HMBOX1: variants seen among roughly 807,000 people sequenced by gnomAD.
The protein encoded by HMBOX1 is homeobox-containing protein 1.
Under a neutral mutation model 54.5 loss-of-function variants are expected in HMBOX1, and 14 were observed. The observed-to-expected ratio is 0.26, with a 90% CI of 0.17 to 0.40. The LOEUF (loss-of-function observed/expected upper bound fraction) is 0.40. Among genes scored for constraint, HMBOX1 ranks in the 10% least tolerant of loss-of-function variants. The pLI is 1.00. For synonymous variants in HMBOX1, 160 were observed against 181.0 expected (o/e 0.88, Z 0.93); for missense variants, 332 against 514.4 (o/e 0.65, Z 3.43).
intron 1 of HMBOX1, among the ~76,000 whole-genome samples, chr8:28,904,676 C>T (rs184374885): frequency 6.6e-6 from 1 of 151,644 alleles, no homozygotes; most frequent in Admixed American, 6.6e-5. Flanking sequence ...AACAACTCTT[C>T]ACACTCTTTT....
intron 1 of HMBOX1, among the ~76,000 whole-genome samples, chr8:28,913,047 A>G (rs1815771842): frequency 6.6e-6 from 1 of 152,106 alleles, no homozygotes; most frequent in African/African-American, 2.4e-5. Context: ...TCCAAATATC[A>G]CCATTTCACC....
intron 4 of HMBOX1, among the ~76,000 whole-genome samples, chr8:28,994,139 C>A (rs1218295516): frequency 2.0e-5 from 3 of 150,292 alleles, no homozygotes; most frequent in Non-Finnish European, 1.5e-5. Context: ...TGCAATCCAG[C>A]CTGGGCGACA....
At chr8:28,994,133 A>G (rs1305876437) in intron 4 of HMBOX1, among the ~76,000 whole-genome samples, 1 of 149,222 alleles carries the variant, frequency 6.7e-6, no homozygotes, top group African/African-American at 2.5e-5. Context: ...CGCTACTGCA[A>G]TCCAGCCTGG....
chr8:29,049,638 C>A, intron 9 of HMBOX1: 1 of 418,262 alleles, frequency 2.4e-6, no homozygotes, highest in Non-Finnish European at 4.1e-6. Context: ...ATTTATTCTG[C>A]ATTGCTTTTG....
At chr8:29,026,868 C>T (rs1229873005) in intron 6 of HMBOX1, among the ~76,000 whole-genome samples, 2 of 152,162 alleles carry the variant, frequency 1.3e-5, no homozygotes, top group Admixed American at 6.5e-5. Context: ...ATGTTACAAC[C>T]TTCCATTTGT....
chr8:29,009,385 T>A (rs2132842750), intron 5 of HMBOX1: 1 of 833,634 alleles, frequency 1.2e-6, no homozygotes, highest in South Asian at 5.6e-5. Context: ...TATCTAGTCA[T>A]ATTCACTCCT....
At chr8:29,047,497 G>T in intron 8 of HMBOX1, 44 bp downstream of exon 8, 2 of 952,664 alleles carry the variant, frequency 2.1e-6, no homozygotes, top group South Asian at 1.3e-5. Context: ...CAGCAGTTGT[G>T]AACGTCATGT....
chr8:28,945,315 G>A (rs1024483537), intron 1 of HMBOX1, among the ~76,000 whole-genome samples: 2 of 152,208 alleles, frequency 1.3e-5, no homozygotes, highest in Non-Finnish European at 2.9e-5. Flanking sequence ...AGAAATTTGT[G>A]CAAGATCAAA....
chr8:28,897,387 T>G (rs1012350485), intron 1 of HMBOX1, among the ~76,000 whole-genome samples: 16 of 152,158 alleles, frequency 1.1e-4, no homozygotes, highest in Non-Finnish European at 8.8e-5. Flanking sequence ...TGTGTAAGAT[T>G]TAAATGAGGC....
intron 1 of HMBOX1, among the ~76,000 whole-genome samples, chr8:28,928,769 T>C (rs981528118): frequency 6.6e-6 from 1 of 152,228 alleles, no homozygotes; most frequent in African/African-American, 2.4e-5. Context: ...GAGGACATTA[T>C]GCTAAGTGGA....
intron 1 of HMBOX1, among the ~76,000 whole-genome samples, chr8:28,902,883 C>T (rs1041899337): frequency 1.3e-5 from 2 of 152,148 alleles, no homozygotes; most frequent in Non-Finnish European, 2.9e-5. Flanking sequence ...GGCAGTTATG[C>T]AAAATGCAAC....
At chr8:28,980,862 C>T (rs1317749421) in intron 4 of HMBOX1, among the ~76,000 whole-genome samples, 3 of 152,146 alleles carry the variant, frequency 2.0e-5, no homozygotes, top group Non-Finnish European at 4.4e-5. Flanking sequence ...AAGAACCGGA[C>T]ACTCTTTTCA....
rs184201622 is a variant in HMBOX1, at chr8:29,011,714, G to T, written c.697+2532G>T. 2.4e-3 allele frequency among the ~76,000 whole-genome samples: 361 copies of T among 148,898 alleles called. 2 individuals carry two copies. Among genetic ancestry groups the T allele is most frequent in the African/African-American group, 8.3e-3 (338 of 40,734 alleles). On this transcript the variant is annotated intron_variant, in intron 5 of 9. Transcript: ENST00000287701. ...GGCTGATAGTGTTCTTCCAAAGCTG[G>T]TTTTTTTTTTAAATTATTGTTATTT...
intron 1 of HMBOX1, among the ~76,000 whole-genome samples, chr8:28,935,430 C>A (rs1160870800): frequency 6.6e-6 from 1 of 152,012 alleles, no homozygotes; most frequent in Non-Finnish European, 1.5e-5. Context: ...TAATTTTTGG[C>A]GAATATGCTA....
Position 29,052,161 on chromosome 8 carries a change from C to G in HMBOX1, c.*1006C>G, listed in dbSNP as rs1586713446. 6.5e-6 allele frequency: 1 copy of G among 153,228 alleles called. No individual in the cohort carries two copies. Among genetic ancestry groups the G allele is most frequent in the Admixed American group, 6.5e-5 (1 of 15,498 alleles). The allele number at this position is 153,228 out of a possible 1,614,324, so 9.5% of individuals were successfully genotyped here. A position where few individuals can be genotyped will look rare whatever the true frequency, so the allele number is the denominator to read the frequency against. On this transcript the variant is annotated 3_prime_UTR_variant, in exon 10 of 10. Coordinates refer to ENST00000287701, the MANE Select transcript of HMBOX1 (RefSeq NM_001135726.3). The stretch of plus-strand genomic sequence containing the variant: ...GTGAAAAAACTTGCAGTGTTTGTAT[C>G]CATTAAACGGAAGCCCCCTCACTCT...
At chr8:29,048,255 T>C (rs990765306) in intron 8 of HMBOX1, among the ~76,000 whole-genome samples, 2 of 152,234 alleles carry the variant, frequency 1.3e-5, no homozygotes. Context: ...TAATCATTTA[T>C]GTATATATAC....
At chr8:29,049,172 T>C (rs763714992) in intron 9 of HMBOX1, 124 bp downstream of exon 9, 143 of 1,489,008 alleles carry the variant, frequency 9.6e-5, no homozygotes, top group Non-Finnish European at 1.3e-4. Flanking sequence ...CCCTCCACTC[T>C]GCTCCTGTGT....
chr8:29,007,404 A>G (rs1833620092), intron 4 of HMBOX1, among the ~76,000 whole-genome samples: 1 of 152,238 alleles, frequency 6.6e-6, no homozygotes, highest in African/African-American at 2.4e-5. Flanking sequence ...TTCTTAGAAG[A>G]GGCATACAGT....
chr8:28,897,917 G>T (rs1389257712), intron 1 of HMBOX1, among the ~76,000 whole-genome samples: 1 of 152,126 alleles, frequency 6.6e-6, no homozygotes, highest in Non-Finnish European at 1.5e-5. Context: ...TTAGTTCAAA[G>T]ATATTTTCAG....
Sources: gnomAD v4.1 joint callset for allele counts (sites outside exome capture counted in the v4.1 genomes callset) on GRCh38, gnomAD v4.1.1 for gene constraint, MANE v1.5 for transcripts, NCBI Gene and HGNC (gene_info 2026-07-23, HGNC 2026-07-21) for gene names.